The following GTSE1 variants were observed in gnomAD, a reference collection of about 807,000 sequenced individuals.
GTSE1 encodes the protein G2 and S-phase expressed 1.
Under a neutral mutation model 60.5 loss-of-function variants are expected in GTSE1, and 52 were observed. That is an observed-to-expected ratio of 0.86 (90% confidence interval 0.69 to 1.08). The LOEUF (loss-of-function observed/expected upper bound fraction) is 1.08. Ranked by LOEUF, GTSE1 falls within the 50% of genes least tolerant of loss-of-function variation. GTSE1 has a pLI of 0.00. For synonymous variants in GTSE1, 368 were observed against 386.5 expected (o/e 0.95, Z 0.56); for missense variants, 937 against 961.8 (o/e 0.97, Z 0.34).
At chr22:46,323,964 T>G (rs899736705) in intron 8 of GTSE1, among the ~76,000 whole-genome samples, 1 of 152,148 alleles carries the variant, frequency 6.6e-6, no homozygotes, top group African/African-American at 2.4e-5. Flanking sequence ...AGTGCTGGGA[T>G]TATAGGCGTG....
In GTSE1 at chr22:46,304,458, A is replaced by T. The variant is rs999890473; in HGVS notation, c.80-3692A>T. Reference sequence around the variant, plus strand: ...CCTTATATATCTATTACTTTTTATTAAGAGCCTCTAAAATCAAGAATGTAT... The same window carrying T: ...CCTTATATATCTATTACTTTTTATTTAGAGCCTCTAAAATCAAGAATGTAT... On this transcript the variant is annotated intron_variant, in intron 2 of 11. Coordinates refer to ENST00000454366, the MANE Select transcript of GTSE1 (RefSeq NM_016426.7). The surrounding 1 kb of genome is among the most constrained non-coding windows in gnomAD (Gnocchi z 4.4). 6.6e-6 allele frequency among the ~76,000 whole-genome samples: 1 copy of T among 152,186 alleles called. No homozygotes were observed. Among genetic ancestry groups the T allele is most frequent in the Non-Finnish European group, 1.5e-5 (1 of 68,032 alleles).
intron 9 of GTSE1, among the ~76,000 whole-genome samples, 195 bp from the exon 10 acceptor site, chr22:46,328,493 T>C (rs1217800893): frequency 6.6e-6 from 1 of 152,046 alleles, no homozygotes; most frequent in African/African-American, 2.4e-5. Context: ...CTAAGATTTG[T>C]GAGCTGAGAG....
At position 46,318,199 on chromosome 22, in the gene GTSE1, A is replaced by G. The variant is rs2077792102; in HGVS notation, c.1432+1787A>G. On this transcript the variant is annotated intron_variant, in intron 7 of 11. Coordinates refer to ENST00000454366, the MANE Select transcript of GTSE1 (RefSeq NM_016426.7). This position sits in a 1 kb window ranked among gnomAD's most constrained non-coding sequence, Gnocchi z 4.8. ...TCTTGAACAATTGTGTGCAATGCAG[A>G]AAGTTCTCAGAGCTGACTTAAGGTG... Among the ~76,000 whole-genome samples the G allele has an allele frequency of 6.6e-6, 1 of 152,238 alleles. No homozygotes were observed. Among genetic ancestry groups the G allele is most frequent in the Non-Finnish European group, 1.5e-5 (1 of 68,044 alleles).
At chr22:46,323,020 G>GGGTGA (rs2077822371) in intron 7 of GTSE1, among the ~76,000 whole-genome samples, 170 bp from the exon 8 acceptor site, 1 of 152,212 alleles carries the variant, frequency 6.6e-6, no homozygotes, top group Non-Finnish European at 1.5e-5. Context: ...CTCTCATGTG[G>GGGTGA]CTGCCTGCAG....
chr22:46,326,693 C>T (rs888231682), intron 9 of GTSE1, 39 bp downstream of exon 9: 2 of 1,448,618 alleles, frequency 1.4e-6, no homozygotes, highest in African/African-American at 1.4e-5. Flanking sequence ...TCTCAAATTC[C>T]TAGGCTTGCT....
rs894749409 is a variant in GTSE1 at position 46,321,439 on chromosome 22, G to A, written c.1433-1751G>A. Among the ~76,000 whole-genome samples the A allele has an allele frequency of 1.4e-4, 22 of 152,172 alleles. No individual in the cohort carries two copies. Among genetic ancestry groups the A allele is most frequent in the Non-Finnish European group, 2.6e-4 (18 of 68,030 alleles). The stretch of plus-strand genomic sequence containing the variant: ...GAAAAGAAACAAACAAACTGAAAAC[G>A]GAGGTGGAGAGAGGGTGGGAGCATG... On this transcript the variant is annotated intron_variant, in intron 7 of 11. Coordinates refer to ENST00000454366, the MANE Select transcript of GTSE1 (RefSeq NM_016426.7). The surrounding 1 kb of genome is among the most constrained non-coding windows in gnomAD (Gnocchi z 4.0).
At chr22:46,303,506 T>C (rs1180948030) in intron 2 of GTSE1, among the ~76,000 whole-genome samples, 1 of 152,240 alleles carries the variant, frequency 6.6e-6, no homozygotes, top group East Asian at 1.9e-4. Flanking sequence ...AGTGTGATCA[T>C]GTTACCTCCA....
Position 46,297,890 on chromosome 22 carries a change from A to G in GTSE1, c.79+411A>G, listed in dbSNP as rs2077666505. 6.6e-6 allele frequency among the ~76,000 whole-genome samples: 1 copy of G among 152,134 alleles called. No individual in the cohort carries two copies. The highest frequency in any genetic ancestry group is 1.5e-5 in the Non-Finnish European group (1 of 68,020). On this transcript the variant is annotated intron_variant, in intron 2 of 11. Coordinates refer to ENST00000454366, the MANE Select transcript of GTSE1 (RefSeq NM_016426.7). The surrounding 1 kb of genome is among the most constrained non-coding windows in gnomAD (Gnocchi z 4.9). ...TCTTGTGTCTTTGACTGGTTTGGGT[A>G]TCAAGGTGAGGGTACAGCTTCACAG... is the stretch of plus-strand genomic sequence containing the variant.
At position 46,329,582 on chromosome 22, in the gene GTSE1, GTGGT is replaced by G. The variant is rs2077864708; in HGVS notation, c.2136+17_2136+20del. On this transcript the variant is annotated intron_variant, in intron 11 of 11. Transcript: ENST00000454366. The surrounding 1 kb of genome is among the most constrained non-coding windows in gnomAD (Gnocchi z 6.4). The stretch of plus-strand genomic sequence containing the variant: ...TGGTGGGACAGGTGAGAAGTGGCAG[GTGGT>G]TCATGTTGACTCAGCCCTGGGTGTC... 6.2e-7 allele frequency: 1 copy of G among 1,604,656 alleles called. No homozygotes were observed. Among genetic ancestry groups the G allele is most frequent in the South Asian group, 1.1e-5 (1 of 90,872 alleles).
In GTSE1 at chr22:46,320,609, G is replaced by A. The variant is rs954715349; in HGVS notation, c.1433-2581G>A. Reference sequence around the variant, plus strand: ...ACCACATGAACGGTGCCCTGTAGTGGAGGCTTTCATATGTGCACTTTCTCA... The same window carrying A: ...ACCACATGAACGGTGCCCTGTAGTGAAGGCTTTCATATGTGCACTTTCTCA... On this transcript the variant is annotated intron_variant, in intron 7 of 11. Coordinates refer to ENST00000454366, the MANE Select transcript of GTSE1 (RefSeq NM_016426.7). The surrounding 1 kb of genome is among the most constrained non-coding windows in gnomAD (Gnocchi z 7.1). Among the ~76,000 whole-genome samples the A allele has an allele frequency of 1.3e-5, 2 of 152,236 alleles. No homozygotes were observed. The highest frequency in any genetic ancestry group is 4.8e-5 in the African/African-American group (2 of 41,458).
In GTSE1 at chr22:46,330,221, C is replaced by A; in HGVS notation, c.*91C>A. Reference sequence around the variant, plus strand: ...TTTAGGCTGGTCGCAGTGGCTTACACTTGTAACCCTAGAACTTGGGAGGCT... The same window carrying A: ...TTTAGGCTGGTCGCAGTGGCTTACAATTGTAACCCTAGAACTTGGGAGGCT... On this transcript the variant is annotated 3_prime_UTR_variant, in exon 12 of 12. Coordinates refer to ENST00000454366, the MANE Select transcript of GTSE1 (RefSeq NM_016426.7). The surrounding 1 kb of genome is among the most constrained non-coding windows in gnomAD (Gnocchi z 6.0). 1 of 775,400 alleles carries A rather than the reference C, an allele frequency of 1.3e-6. No individual in the cohort carries two copies. The highest frequency in any genetic ancestry group is 2.3e-6 in the Non-Finnish European group (1 of 432,648). The allele number at this position is 775,400 out of a possible 1,614,324, so 48.0% of individuals were successfully genotyped here.
intron 4 of GTSE1, among the ~76,000 whole-genome samples, chr22:46,311,736 C>CA (rs1487799915): frequency 1.3e-5 from 2 of 152,196 alleles, no homozygotes; most frequent in African/African-American, 4.8e-5. Flanking sequence ...AGATTTATTG[C>CA]AATTGAGCAG....
rs1410568229 is a variant in GTSE1 at position 46,309,181 on chromosome 22, T to C, written c.762+238T>C. On this transcript the variant is annotated intron_variant, in intron 4 of 11. Coordinates refer to ENST00000454366, the MANE Select transcript of GTSE1 (RefSeq NM_016426.7). This position sits in a 1 kb window ranked among gnomAD's most constrained non-coding sequence, Gnocchi z 6.2. Reference sequence around the variant, plus strand: ...TTCTGTCTGAAGTTGTTCCTTTTGTTTTGTTACAATGCTGGATATACCACA... The same window carrying C: ...TTCTGTCTGAAGTTGTTCCTTTTGTCTTGTTACAATGCTGGATATACCACA... 6.6e-6 allele frequency among the ~76,000 whole-genome samples: 1 copy of C among 152,218 alleles called. No individual in the cohort carries two copies. Among genetic ancestry groups the C allele is most frequent in the Admixed American group, 6.5e-5 (1 of 15,282 alleles).
intron 9 of GTSE1, among the ~76,000 whole-genome samples, chr22:46,328,250 C>T (rs1231439162): frequency 2.6e-5 from 4 of 152,134 alleles, no homozygotes; most frequent in Non-Finnish European, 4.4e-5. Context: ...CTGATCAGGG[C>T]ACTGGGCAGC....
rs568087992 is a variant in GTSE1 at position 46,320,229 on chromosome 22, C to A, written c.1433-2961C>A. On this transcript the variant is annotated intron_variant, in intron 7 of 11. Coordinates refer to ENST00000454366, the MANE Select transcript of GTSE1 (RefSeq NM_016426.7). The surrounding 1 kb of genome is among the most constrained non-coding windows in gnomAD (Gnocchi z 7.1). ...CACAGGACTTCTGCTAATCCCAAAT[C>A]CCTGTTGGCTTTGCCCTGTTTCCCA... Among the ~76,000 whole-genome samples, 3 of 152,192 alleles carry A rather than the reference C, an allele frequency of 2.0e-5. No homozygotes were observed. Among genetic ancestry groups the A allele is most frequent in the Admixed American group, 6.5e-5 (1 of 15,272 alleles).
intron 8 of GTSE1, among the ~76,000 whole-genome samples, chr22:46,325,432 G>C (rs781055861): frequency 6.6e-6 from 1 of 152,086 alleles, no homozygotes; most frequent in Non-Finnish European, 1.5e-5. Context: ...TCCTGACCTC[G>C]TGATCCACCC....
rs1028774618 is a variant in GTSE1 at position 46,319,279 on chromosome 22, T to C, written c.1432+2867T>C. On this transcript the variant is annotated intron_variant, in intron 7 of 11. Coordinates refer to ENST00000454366, the MANE Select transcript of GTSE1 (RefSeq NM_016426.7). This position sits in a 1 kb window ranked among gnomAD's most constrained non-coding sequence, Gnocchi z 5.0. ...TAGGAGAGATCAGAGCAGAGCGACT[T>C]GACCTTCAGAAGGTCCCTCCACAGA... 7.2e-5 allele frequency among the ~76,000 whole-genome samples: 11 copies of C among 152,148 alleles called. No homozygotes were observed. Among genetic ancestry groups the C allele is most frequent in the Non-Finnish European group, 1.3e-4 (9 of 68,032 alleles).
Position 46,320,314 on chromosome 22 carries a change from C to T in GTSE1, c.1433-2876C>T, listed in dbSNP as rs911418271. Among the ~76,000 whole-genome samples the T allele has an allele frequency of 7.2e-5, 11 of 152,170 alleles. No individual in the cohort carries two copies. The highest frequency in any genetic ancestry group is 1.3e-4 in the Non-Finnish European group (9 of 68,024). On this transcript the variant is annotated intron_variant, in intron 7 of 11. Transcript: ENST00000454366. This position sits in a 1 kb window ranked among gnomAD's most constrained non-coding sequence, Gnocchi z 7.1. ...AGATGTGCATTTCACCTTCGGCAGG[C>T]GGTTCCTCCTCTCTCCACAATGCTG...
In GTSE1 at chr22:46,330,229, C is replaced by G; in HGVS notation, c.*99C>G. On this transcript the variant is annotated 3_prime_UTR_variant, in exon 12 of 12. Coordinates refer to ENST00000454366, the MANE Select transcript of GTSE1 (RefSeq NM_016426.7). This position sits in a 1 kb window ranked among gnomAD's most constrained non-coding sequence, Gnocchi z 6.0. Reference sequence around the variant, plus strand: ...GGTCGCAGTGGCTTACACTTGTAACCCTAGAACTTGGGAGGCTGAGGTGGG... The same window carrying G: ...GGTCGCAGTGGCTTACACTTGTAACGCTAGAACTTGGGAGGCTGAGGTGGG... The G allele has an allele frequency of 8.1e-6, 6 of 742,142 alleles. No individual in the cohort carries two copies. The highest frequency in any genetic ancestry group is 1.2e-5 in the Non-Finnish European group (5 of 409,928). The allele number at this position is 742,142 out of a possible 1,614,324, so 46.0% of individuals were successfully genotyped here. A position where few individuals can be genotyped will look rare whatever the true frequency, so the allele number is the denominator to read the frequency against.
Sources: gnomAD v4.1 joint callset for allele counts (sites outside exome capture counted in the v4.1 genomes callset) on GRCh38, gnomAD v4.1.1 for gene constraint, Gnocchi (gnomAD v3.1) non-coding constraint, MANE v1.5 for transcripts, NCBI Gene and HGNC (gene_info 2026-07-23, HGNC 2026-07-21) for gene names.